The following ZNF106 variants were observed in gnomAD, a reference collection of about 807,000 sequenced individuals.
ZNF106 encodes the protein zinc finger protein 106, also known as SH3-domain binding protein 3.
A neutral mutation model predicts 195.1 loss-of-function variants in ZNF106; 67 were observed. The ratio of observed to expected loss-of-function variants is 0.34; its 90% CI spans 0.28 to 0.42. The LOEUF (loss-of-function observed/expected upper bound fraction) is 0.42. ZNF106 is among the 10% of genes least tolerant of loss of function. ZNF106 has a pLI of 1.00. For synonymous variants in ZNF106, 784 were observed against 818.6 expected (o/e 0.96, Z 0.72); for missense variants, 2,118 against 2,304.5 (o/e 0.92, Z 1.66).
chr15:42,420,794 C>T (rs1311898932), intron 20 of ZNF106, among the ~76,000 whole-genome samples: 5 of 151,976 alleles, frequency 3.3e-5, no homozygotes, highest in Admixed American at 6.6e-5. Flanking sequence ...CTCTGATGAG[C>T]GGGAGTAGAG....
intron 3 of ZNF106, among the ~76,000 whole-genome samples, chr15:42,464,208 C>T (rs557679989): frequency 4.7e-5 from 7 of 147,634 alleles, no homozygotes; most frequent in Admixed American, 2.0e-4. Context: ...GATGTGGTGA[C>T]GCACGCCTGT....
At chr15:42,453,511 T>G (rs1156359993) in intron 4 of ZNF106, among the ~76,000 whole-genome samples, 1 of 152,182 alleles carries the variant, frequency 6.6e-6, no homozygotes, top group Non-Finnish European at 1.5e-5. Flanking sequence ...TAGCTAAAAT[T>G]TACTGAGTAC....
At chr15:42,466,356 T>A (rs2056516419) in intron 2 of ZNF106, among the ~76,000 whole-genome samples, 2 of 152,182 alleles carry the variant, frequency 1.3e-5, no homozygotes, top group Admixed American at 1.3e-4. Context: ...CCAAAAAGAT[T>A]AGAAAGTATT....
chr15:42,434,548 T>G (rs1177540111), intron 14 of ZNF106, among the ~76,000 whole-genome samples: 1 of 152,206 alleles, frequency 6.6e-6, no homozygotes, highest in Non-Finnish European at 1.5e-5. Flanking sequence ...CCCCCTTCTT[T>G]ATGTTCCTGT....
chr15:42,464,703 T>G (rs1412136036), intron 3 of ZNF106, among the ~76,000 whole-genome samples: 1 of 150,840 alleles, frequency 6.6e-6, no homozygotes, highest in Admixed American at 6.6e-5. Flanking sequence ...ATTTTGGGGG[T>G]TTTTTGTGGG....
intron 10 of ZNF106, among the ~76,000 whole-genome samples, chr15:42,441,056 C>G (rs2055515718): frequency 1.8e-5 from 2 of 110,596 alleles, no homozygotes; most frequent in African/African-American, 6.6e-5. Flanking sequence ...TATGCTAAGT[C>G]ACGCGCAGTG....
chr15:42,489,156 C>G lies in ZNF106; in HGVS notation c.-33+1824G>C, dbSNP rs547399484. Among the ~76,000 whole-genome samples the G allele has an allele frequency of 2.7e-5, 4 of 149,984 alleles. No individual in the cohort carries two copies. The South Asian group carries it at 8.4e-4, about 32-fold the overall frequency. On this transcript the variant is annotated intron_variant, in intron 1 of 21. Coordinates refer to ENST00000564754, the MANE Select transcript of ZNF106 (RefSeq NM_001366845.3). ...CTAGCCTGATCAGATTCGTTCACAC[C>G]CTCTACCTCCTGCCAGGCCATTTTT...
chr15:42,467,603 C>T (rs1355267322), intron 2 of ZNF106, among the ~76,000 whole-genome samples: 1 of 151,420 alleles, frequency 6.6e-6, no homozygotes, highest in Non-Finnish European at 1.5e-5. Context: ...GCCTAGCTAA[C>T]ATGGTGAAAC....
chr15:42,450,764 A>T lies in ZNF106; in HGVS notation c.1508T>A (p.Phe503Tyr), dbSNP rs2055984368. Residue 503 changes from phenylalanine to tyrosine, a missense_variant, in exon 5 of 22, where the codon TTT (phenylalanine) becomes TAT (tyrosine). By Grantham distance (22) the Phe-to-Tyr change is conservative (BLOSUM62 3). Coordinates refer to ENST00000564754, the MANE Select transcript of ZNF106 (RefSeq NM_001366845.3). ...ATTTGAGTGTTCTCCAGGGGAAAAAAAATTTGTTTTGGTGTTTTTTGAGAT... is the reference window on the plus strand; with the variant it reads ...ATTTGAGTGTTCTCCAGGGGAAAAATAATTTGTTTTGGTGTTTTTTGAGAT... ...KNISKNTKTN[F>Y]FSPGEHSNPS... 1 of 1,614,132 alleles carries T rather than the reference A, an allele frequency of 6.2e-7. No individual in the cohort carries two copies. The highest frequency in any genetic ancestry group is 8.5e-7 in the Non-Finnish European group (1 of 1,180,022).
Position 42,450,236 on chromosome 15 carries a change from A to G in ZNF106, c.2036T>C (p.Met679Thr). The change falls in exon 5 of 22, where the codon ATG (methionine) becomes ACG (threonine). Residue 679 changes from methionine to threonine, a missense_variant. By Grantham distance (81) the Met-to-Thr change is moderately conservative. Coordinates refer to ENST00000564754, the MANE Select transcript of ZNF106 (RefSeq NM_001366845.3). ...IVRQKESELQMTSAASPHPGL... is the reference protein window; with the variant it reads ...IVRQKESELQTTSAASPHPGL... ...AGGGTGTGGACTGGCTGCAGATGTC[A>G]TTTGTAATTCAGATTCTTTCTGGCG... 1.2e-6 allele frequency: 2 copies of G among 1,614,192 alleles called. No individual in the cohort carries two copies. Among genetic ancestry groups the G allele is most frequent in the South Asian group, 2.2e-5 (2 of 91,086 alleles).
chr15:42,424,017 A>C lies in ZNF106; in HGVS notation c.5234T>G (p.Val1745Gly). Reference sequence around the variant, plus strand: ...GCTTACGTGAATGTTGTGAGCATGGACTGACTGATCACTGGAGCCACTGAA... The same window carrying C: ...GCTTACGTGAATGTTGTGAGCATGGCCTGACTGATCACTGGAGCCACTGAA... ...LVFSGSSDQS[V>G]HAHNIHTGEL... Residue 1745 changes from valine (V) to glycine (G), a missense_variant, in exon 17 of 22, where the codon GTC becomes GGC. Coordinates refer to ENST00000564754, the MANE Select transcript of ZNF106 (RefSeq NM_001366845.3). The C allele has an allele frequency of 6.2e-7, 1 of 1,613,022 alleles. No individual in the cohort carries two copies. Among genetic ancestry groups the C allele is most frequent in the East Asian group, 2.2e-5 (1 of 44,868 alleles).
chr15:42,460,584 T>C (rs1446753362), intron 3 of ZNF106, among the ~76,000 whole-genome samples: 2 of 152,206 alleles, frequency 1.3e-5, no homozygotes, highest in South Asian at 2.1e-4. Flanking sequence ...AAGTTAACAC[T>C]AGCCAGGTGC....
At chr15:42,470,424 C>T (rs2056639875) in intron 2 of ZNF106, among the ~76,000 whole-genome samples, 4 of 151,816 alleles carry the variant, frequency 2.6e-5, no homozygotes, top group South Asian at 2.1e-4. Context: ...TAAGTCATAC[C>T]ACTCACTTAA....
intron 16 of ZNF106, chr15:42,424,512 G>T (rs990184318): frequency 9.9e-6 from 3 of 302,966 alleles, no homozygotes; most frequent in African/African-American, 6.4e-5. Flanking sequence ...TTGAGTCAAG[G>T]TCTCACTCTG....
intron 2 of ZNF106, among the ~76,000 whole-genome samples, chr15:42,470,122 C>T (rs112968754): frequency 0.082 from 12,401 of 151,988 alleles, 571 homozygotes; most frequent in South Asian, 0.15. Flanking sequence ...AGTTCAAGAC[C>T]GGCTGGGCAA....
At chr15:42,476,710 G>A (rs2056791321) in intron 1 of ZNF106, among the ~76,000 whole-genome samples, 2 of 151,978 alleles carry the variant, frequency 1.3e-5, no homozygotes, top group Admixed American at 6.6e-5. Flanking sequence ...TTCACACTGA[G>A]TACACCGAGG....
chr15:42,446,810 C>T, intron 6 of ZNF106, 152 bp from the exon 7 acceptor site: 1 of 672,404 alleles, frequency 1.5e-6, no homozygotes, highest in Non-Finnish European at 2.4e-6. Context: ...CACGTGGTAC[C>T]AACGCAAACT....
intron 12 of ZNF106, 110 bp from the exon 13 acceptor site, chr15:42,437,487 A>C: frequency 7.9e-7 from 1 of 1,272,450 alleles, no homozygotes; most frequent in Non-Finnish European, 1.1e-6. Flanking sequence ...CCAAAAGTAG[A>C]TCCCTTAAAT....
intron 13 of ZNF106, among the ~76,000 whole-genome samples, chr15:42,436,864 A>T (rs2055290685): frequency 6.6e-6 from 1 of 152,202 alleles, no homozygotes; most frequent in Non-Finnish European, 1.5e-5. Context: ...ACAGTCCAAG[A>T]CCACTGGTGT....
Sources: allele counts gnomAD v4.1 joint callset (sites outside exome capture counted in the v4.1 genomes callset), GRCh38; gene constraint gnomAD v4.1.1; transcripts MANE v1.5; gene names NCBI Gene and HGNC (gene_info 2026-07-23, HGNC 2026-07-21).